SGK2: variants seen among roughly 807,000 people sequenced by gnomAD.
SGK2 encodes the protein serum/glucocorticoid regulated kinase 2.
SGK2 carries 36 observed loss-of-function variants against 47.5 expected under a neutral mutation model. The observed-to-expected ratio is 0.76, with a 90% confidence interval of 0.58 to 1.00. The LOEUF is 1.00. Ranked by LOEUF, SGK2 falls within the 50% of genes least tolerant of loss-of-function variation. The pLI is 0.00. For synonymous variants in SGK2, 157 were observed against 181.9 expected (o/e 0.86, Z 1.10); for missense variants, 404 against 467.4 (o/e 0.86, Z 1.25).
chr20:43,583,697 G>A lies in SGK2; in HGVS notation c.940-1155G>A, dbSNP rs951562983. On this transcript the variant is annotated intron_variant, in intron 12 of 12. Coordinates refer to ENST00000373100, the MANE Select transcript of SGK2 (RefSeq NM_170693.3). ...AAACAACAATCTTTTGGCTGGGCAT[G>A]GTAGTTCATATCTGTAACCCCAGCA... 19 of 779,688 alleles carry A rather than the reference G, an allele frequency of 2.4e-5. No individual in the cohort carries two copies. In the African/African-American group the frequency reaches 2.8e-4, roughly 12 times the overall value. The allele number at this position is 779,688 out of a possible 1,614,324, so 48.3% of individuals were successfully genotyped here. A position where few individuals can be genotyped will look rare whatever the true frequency, so the allele number is the denominator to read the frequency against.
Position 43,584,874 on chromosome 20 carries a change from A to T in SGK2, c.962A>T (p.His321Leu). Residue 321 changes from histidine (H) to leucine (L), a missense_variant, in exon 13 of 13, where the codon CAT becomes CTT. His to Leu is a moderately conservative substitution (Grantham distance 99). Coordinates refer to ENST00000373100, the MANE Select transcript of SGK2 (RefSeq NM_170693.3). ...CAGACAGGACCTGCTGACTTGAAGC[A>T]TTTTGACCCAGAGTTCACCCAGGAA... ...PNVTGPADLK[H>L]FDPEFTQEAV... 1.2e-6 allele frequency: 2 copies of T among 1,614,040 alleles called. No individual in the cohort carries two copies. Among genetic ancestry groups the T allele is most frequent in the Non-Finnish European group, 1.7e-6 (2 of 1,179,940 alleles).
chr20:43,567,465 T>C (rs1229120043), intron 3 of SGK2, among the ~76,000 whole-genome samples, 200 bp from the exon 4 acceptor site: 1 of 152,108 alleles, frequency 6.6e-6, no homozygotes, highest in Non-Finnish European at 1.5e-5. Flanking sequence ...GAATTTGAGT[T>C]CCCCTGGGGC....
At chr20:43,566,282 C>T in intron 1 of SGK2, 191 bp from the exon 2 acceptor site, 3 of 1,509,852 alleles carry the variant, frequency 2.0e-6, no homozygotes, top group Non-Finnish European at 2.7e-6. Flanking sequence ...GTTAGGAAGT[C>T]TGGGTCCAGG....
At chr20:43,566,238 C>A in intron 1 of SGK2, 1 of 1,180,208 alleles carries the variant, frequency 8.5e-7, no homozygotes, top group South Asian at 1.5e-5. Context: ...GGGCCACACC[C>A]TGACCATCCC....
intron 1 of SGK2, among the ~76,000 whole-genome samples, chr20:43,563,378 G>A (rs892798531): frequency 1.3e-5 from 2 of 152,110 alleles, no homozygotes; most frequent in African/African-American, 4.8e-5. Flanking sequence ...AGCCAAATGG[G>A]GAACATGAGC....
intron 3 of SGK2, 149 bp downstream of exon 3, chr20:43,567,266 A>AGATGG: frequency 1.4e-6 from 1 of 696,468 alleles, no homozygotes; most frequent in Non-Finnish European, 2.6e-6. Flanking sequence ...TCTATCTCCC[A>AGATGG]CAAATTCCCC....
chr20:43,579,011 CTTTTT>C (rs10523244), intron 11 of SGK2, among the ~76,000 whole-genome samples: 1 of 143,816 alleles, frequency 7.0e-6, no homozygotes, highest in Non-Finnish European at 1.5e-5. Context: ...CTTTCGGAGG[CTTTTT>C]TTTTTTTTTT....
chr20:43,576,299 CG>C lies in SGK2; in HGVS notation c.771del (p.Thr258GlnfsTer38). 1 of 1,614,202 alleles carries C rather than the reference CG, an allele frequency of 6.2e-7. No homozygotes were observed. Among genetic ancestry groups the C allele is most frequent in the Non-Finnish European group, 8.5e-7 (1 of 1,180,034 alleles). ...CCAGCCGCTACAGATCCCCGGAGGC[CG>C]GACAGTGGCCGCCTGTGACCTCCTG... ...LHQPLQIPGG[R>X]TVAACDLLQS... On this transcript the variant is annotated frameshift_variant, in exon 11 of 13. Transcript: ENST00000373100. LOFTEE classifies it high-confidence loss of function.
intron 1 of SGK2, among the ~76,000 whole-genome samples, chr20:43,559,416 C>A (rs1979261093): frequency 6.6e-6 from 1 of 152,060 alleles, no homozygotes; most frequent in Admixed American, 6.6e-5. Flanking sequence ...TTCATTTTTT[C>A]CTTTTCTAGC....
At chr20:43,566,264 A>T (rs1979700679) in intron 1 of SGK2, 1 of 1,394,568 alleles carries the variant, frequency 7.2e-7, no homozygotes, top group Non-Finnish European at 1.0e-6. Context: ...ATCCCTTCTG[A>T]GATGTTTGTT....
In SGK2 at chr20:43,566,469, C is replaced by G. The variant is rs1048183751; in HGVS notation, c.-23-4C>G. On this transcript the variant is annotated splice_polypyrimidine_tract_variant and splice_region_variant and intron_variant, in intron 1 of 12. Coordinates refer to ENST00000373100, the MANE Select transcript of SGK2 (RefSeq NM_170693.3). ...CTCATGCCTGCTCCTCCCTGTCCCC[C>G]CAGAGCTGCCTGATCATTGCTACAG... 6.2e-7 allele frequency: 1 copy of G among 1,614,130 alleles called. No individual in the cohort carries two copies. The highest frequency in any genetic ancestry group is 8.5e-7 in the Non-Finnish European group (1 of 1,180,002).
Position 43,566,571 on chromosome 20 carries a change from A to G in SGK2, c.36+40A>G, listed in dbSNP as rs1456370433. On this transcript the variant is annotated intron_variant, in intron 2 of 12. Coordinates refer to ENST00000373100, the MANE Select transcript of SGK2 (RefSeq NM_170693.3). ...GTCCCCCACCCATCATCGGGGGCTC[A>G]CTTCTTCCCGAGGCTAAGGAAATCT... is the stretch of plus-strand genomic sequence containing the variant. 2.9e-6 allele frequency: 4 copies of G among 1,399,000 alleles called. No individual in the cohort carries two copies. The African/African-American group carries it at 4.2e-5, about 15-fold the overall frequency. The allele number at this position is 1,399,000 out of a possible 1,614,324, so 86.7% of individuals were successfully genotyped here.
In SGK2 at chr20:43,569,330, A is replaced by T; in HGVS notation, c.229-55A>T. ...ACAAGCTTATATGGGCTGAGCCGGG[A>T]TAAAAGAGGCTGTTGTGGGCTGTGA... On this transcript the variant is annotated intron_variant, in intron 5 of 12. Transcript: ENST00000373100. The T allele has an allele frequency of 2.5e-6, 4 of 1,602,380 alleles. No individual in the cohort carries two copies. The East Asian group carries it at 9.0e-5, about 36-fold the overall frequency.
Position 43,572,151 on chromosome 20 carries a change from TC to T in SGK2, c.597+17del, listed in dbSNP as rs1221788887. On this transcript the variant is annotated intron_variant, in intron 9 of 12. Transcript: ENST00000373100. This position sits in a 1 kb window ranked among gnomAD's most constrained non-coding sequence, Gnocchi z 4.2. Reference sequence around the variant, plus strand: ...GGTACCCCTGAGGTAAGCGTAAACATCCCAGGAGAGGGGAGGTCATGAGTGG... The same window carrying T: ...GGTACCCCTGAGGTAAGCGTAAACATCCAGGAGAGGGGAGGTCATGAGTGG... 7.2e-6 allele frequency: 11 copies of T among 1,535,488 alleles called. No homozygotes were observed. The highest frequency in any genetic ancestry group is 9.7e-6 in the Non-Finnish European group (11 of 1,133,140).
Position 43,584,900 on chromosome 20 carries a change from G to C in SGK2, c.988G>C (p.Ala330Pro), listed in dbSNP as rs1229736864. The C allele has an allele frequency of 1.2e-6, 2 of 1,614,120 alleles. No individual in the cohort carries two copies. The highest frequency in any genetic ancestry group is 2.2e-5 in the South Asian group (2 of 91,072). Reference sequence around the variant, plus strand: ...TTTTGACCCAGAGTTCACCCAGGAAGCTGTGTCCAAGTCCATTGGCTGTAC... The same window carrying C: ...TTTTGACCCAGAGTTCACCCAGGAACCTGTGTCCAAGTCCATTGGCTGTAC... Reference protein sequence around the residue: ...KHFDPEFTQEAVSKSIGCTPD... With the variant: ...KHFDPEFTQEPVSKSIGCTPD... Residue 330 changes from alanine to proline, a missense_variant, in exon 13 of 13, where the codon GCT becomes CCT. By Grantham distance (27) the Ala-to-Pro change is conservative. Transcript: ENST00000373100.
chr20:43,561,610 G>C (rs187831937), intron 1 of SGK2, among the ~76,000 whole-genome samples: 1 of 151,976 alleles, frequency 6.6e-6, no homozygotes, highest in African/African-American at 2.4e-5. Flanking sequence ...GGATGGTTTC[G>C]ATCTCTGACC....
intron 1 of SGK2, among the ~76,000 whole-genome samples, chr20:43,564,285 A>T (rs1353704619): frequency 6.6e-6 from 1 of 152,252 alleles, no homozygotes; most frequent in Non-Finnish European, 1.5e-5. Context: ...CAAAAGGACC[A>T]AGTGCTCATT....
In SGK2 at chr20:43,572,291, A is replaced by G. The variant is rs1980189568; in HGVS notation, c.597+154A>G. Among the ~76,000 whole-genome samples, 1 of 152,174 alleles carries G rather than the reference A, an allele frequency of 6.6e-6. No individual in the cohort carries two copies. Among genetic ancestry groups the G allele is most frequent in the African/African-American group, 2.4e-5 (1 of 41,434 alleles). On this transcript the variant is annotated intron_variant, in intron 9 of 12. Transcript: ENST00000373100. The surrounding 1 kb of genome is among the most constrained non-coding windows in gnomAD (Gnocchi z 4.2). ...ACACTGAACTGTGGTTTCCTCATCT[A>G]TGTAATGGGGGTACCAGCTCTAGGA...
chr20:43,570,862 TCCTCCGA>T, intron 7 of SGK2, 133 bp downstream of exon 7: 1 of 1,288,552 alleles, frequency 7.8e-7, no homozygotes, highest in Non-Finnish European at 1.1e-6. Context: ...TGGAGTCTCC[TCCTCCGA>T]GGTCCAAGTG....
Sources: gnomAD v4.1 joint callset for allele counts (sites outside exome capture counted in the v4.1 genomes callset) on GRCh38, gnomAD v4.1.1 for gene constraint, Gnocchi (gnomAD v3.1) non-coding constraint, MANE v1.5 for transcripts, NCBI Gene and HGNC (gene_info 2026-07-23, HGNC 2026-07-21) for gene names.